KIF6: variants seen among roughly 807,000 people sequenced by gnomAD.
KIF6 encodes the protein kinesin-like protein KIF6.
Under a neutral mutation model 112.7 loss-of-function variants are expected in KIF6, and 106 were observed. That is an observed-to-expected ratio of 0.94 (90% confidence interval 0.80 to 1.11). KIF6 has a LOEUF of 1.11. Among genes scored for constraint, KIF6 ranks in the 50% least tolerant of loss-of-function variants. KIF6 has a pLI of 0.00. For synonymous variants in KIF6, 339 were observed against 339.9 expected (o/e 1.00, Z 0.03); for missense variants, 929 against 964.0 (o/e 0.96, Z 0.48).
chr6:39,416,367 G>A (rs1769918749), intron 15 of KIF6, among the ~76,000 whole-genome samples: 1 of 152,218 alleles, frequency 6.6e-6, no homozygotes, highest in Non-Finnish European at 1.5e-5. Flanking sequence ...GAAGCAGGGT[G>A]TAAATGAACA....
In KIF6 at chr6:39,714,772, A is replaced by G. The variant is rs1242090859; in HGVS notation, c.177-6T>C. On this transcript the variant is annotated splice_region_variant and splice_polypyrimidine_tract_variant and intron_variant, in intron 2 of 22. Coordinates refer to ENST00000287152, the MANE Select transcript of KIF6 (RefSeq NM_145027.6). The stretch of plus-strand genomic sequence containing the variant: ...GATCAAAAATTCTTTGAAATCTGCA[A>G]TGTGAAAAATAGTAATTATTTAAAA... The G allele has an allele frequency of 3.8e-6, 6 of 1,586,572 alleles. No homozygotes were observed. Among genetic ancestry groups the G allele is most frequent in the Non-Finnish European group, 5.2e-6 (6 of 1,155,822 alleles).
chr6:39,479,342 A>G (rs1350039530), intron 13 of KIF6, among the ~76,000 whole-genome samples: 2 of 152,222 alleles, frequency 1.3e-5, no homozygotes, highest in South Asian at 2.1e-4. Context: ...TTCCAGCACC[A>G]TTTGTTGAAT....
chr6:39,594,501 G>C (rs547776555), intron 7 of KIF6, among the ~76,000 whole-genome samples: 1 of 152,210 alleles, frequency 6.6e-6, no homozygotes, highest in African/African-American at 2.4e-5. Context: ...TAGGAATGCT[G>C]ACTCTTGTTA....
chr6:39,545,590 T>A lies in KIF6; in HGVS notation c.1280A>T (p.His427Leu). Reference sequence around the variant, plus strand: ...GGAAACATTTAAGTTTACCTTTAAATGATGAAAACAGTGATGAACTTTACG... The same window carrying A: ...GGAAACATTTAAGTTTACCTTTAAAAGATGAAAACAGTGATGAACTTTACG... ...DMRKVHHCFHHLKKLLNDKKI... is the reference protein window; with the variant it reads ...DMRKVHHCFHLLKKLLNDKKI... Residue 427 changes from histidine (H) to leucine (L), a missense_variant, in exon 11 of 23, where the codon CAT becomes CTT. Around this residue, in one of 2 missense-constraint regions of KIF6, gnomAD observed 688 missense variants for 662.7 expected, o/e 1.04. Transcript: ENST00000287152. 1 of 1,608,262 alleles carries A rather than the reference T, an allele frequency of 6.2e-7. No individual in the cohort carries two copies.
intron 9 of KIF6, chr6:39,583,378 C>G (rs1368469125): frequency 2.1e-6 from 1 of 471,192 alleles, no homozygotes; most frequent in Non-Finnish European, 4.4e-6. Context: ...AGCAGGAACA[C>G]TGTGTGATGC....
At chr6:39,549,398 C>T (rs959737081) in intron 10 of KIF6, among the ~76,000 whole-genome samples, 3 of 152,148 alleles carry the variant, frequency 2.0e-5, no homozygotes, top group African/African-American at 7.2e-5. Context: ...TTAATTTTTA[C>T]AACAACCCAT....
At chr6:39,504,773 C>G (rs1776340735) in intron 13 of KIF6, among the ~76,000 whole-genome samples, 2 of 152,076 alleles carry the variant, frequency 1.3e-5, no homozygotes, top group African/African-American at 2.4e-5. Flanking sequence ...AATAAAATAC[C>G]TAGAAATACA....
At chr6:39,658,150 G>T (rs887814334) in intron 3 of KIF6, among the ~76,000 whole-genome samples, 27 of 152,250 alleles carry the variant, frequency 1.8e-4, no homozygotes, top group East Asian at 1.9e-4. Flanking sequence ...GACACAAAAA[G>T]GTTAAGCATT....
At chr6:39,536,012 C>A (rs1187169592) in intron 13 of KIF6, among the ~76,000 whole-genome samples, 2 of 151,622 alleles carry the variant, frequency 1.3e-5, no homozygotes, top group Non-Finnish European at 3.0e-5. Context: ...TCTTTGAAAC[C>A]AACAGGAACA....
At chr6:39,559,810 G>A (rs1401707090) in intron 10 of KIF6, among the ~76,000 whole-genome samples, 1 of 151,248 alleles carries the variant, frequency 6.6e-6, no homozygotes, top group African/African-American at 2.4e-5. Context: ...AACCTTTGAG[G>A]TTGTGTTAAG....
At chr6:39,431,423 TC>T (rs1354405297) in intron 13 of KIF6, 9 of 346,766 alleles carry the variant, frequency 2.6e-5, no homozygotes, top group Non-Finnish European at 2.1e-5. Context: ...GAATGCCTGC[TC>T]GGGGGAAATG....
chr6:39,490,071 GA>G (rs1775380486), intron 13 of KIF6, among the ~76,000 whole-genome samples: 1 of 152,160 alleles, frequency 6.6e-6, no homozygotes, highest in South Asian at 2.1e-4. Context: ...AATAAAGTAC[GA>G]GAAGTGAAAA....
chr6:39,385,480 A>T, intron 16 of KIF6, 142 bp downstream of exon 16: 2 of 675,696 alleles, frequency 3.0e-6, no homozygotes, highest in Non-Finnish European at 5.3e-6. Context: ...ATCCAAGGAA[A>T]GCTGTGTGGA....
intron 3 of KIF6, among the ~76,000 whole-genome samples, chr6:39,662,907 C>T (rs1297332472): frequency 6.6e-6 from 1 of 151,388 alleles, no homozygotes; most frequent in African/African-American, 2.4e-5. Flanking sequence ...TCTTTTCTCT[C>T]TCTCTTTTTT....
intron 3 of KIF6, among the ~76,000 whole-genome samples, chr6:39,659,728 G>C (rs1442787636): frequency 3.9e-5 from 6 of 152,146 alleles, no homozygotes; most frequent in Non-Finnish European, 8.8e-5. Flanking sequence ...TGCCATGATT[G>C]TAAGTTTTCT....
intron 9 of KIF6, among the ~76,000 whole-genome samples, chr6:39,584,534 T>C (rs962955358): frequency 6.7e-6 from 1 of 149,276 alleles, no homozygotes; most frequent in African/African-American, 2.4e-5. Context: ...TGTAATCATG[T>C]GTGGTTCTGT....
At chr6:39,596,682 C>T (rs1420179041) in intron 6 of KIF6, among the ~76,000 whole-genome samples, 1 of 152,098 alleles carries the variant, frequency 6.6e-6, no homozygotes, top group Non-Finnish European at 1.5e-5. Flanking sequence ...ACAAAGAAAC[C>T]TACCATCACT....
At position 39,342,611 on chromosome 6, in the gene KIF6, A is replaced by AT. The variant is rs1167242138; in HGVS notation, c.2428+1097dup. ...TGAATCCAGTTTTTTATTTTTTTTT[A>AT]TTTTTTTTTATTTTTTTTTATTTTT... On this transcript the variant is annotated intron_variant, in intron 22 of 22. Coordinates refer to ENST00000287152, the MANE Select transcript of KIF6 (RefSeq NM_145027.6). This position sits in a 1 kb window ranked among gnomAD's most constrained non-coding sequence, Gnocchi z 4.7. Among the ~76,000 whole-genome samples, 40 of 84,588 alleles carry AT rather than the reference A, an allele frequency of 4.7e-4. No individual in the cohort carries two copies. Among genetic ancestry groups the AT allele is most frequent in the Non-Finnish European group, 6.8e-4 (31 of 45,794 alleles). 55.5% of individuals were successfully genotyped at this position (84,588 alleles called of 152,430 possible).
At chr6:39,647,706 A>ATTTTT (rs1185142569) in intron 3 of KIF6, among the ~76,000 whole-genome samples, 1 of 136,650 alleles carries the variant, frequency 7.3e-6, no homozygotes, top group African/African-American at 2.7e-5. Context: ...GAAGGCCCTG[A>ATTTTT]TTTTTTTTTT....
Sources: allele counts gnomAD v4.1 joint callset (sites outside exome capture counted in the v4.1 genomes callset), GRCh38; gene constraint gnomAD v4.1.1; regional missense constraint gnomAD v4.1.1; non-coding constraint Gnocchi (gnomAD v3.1); transcripts MANE v1.5; gene names NCBI Gene and HGNC (gene_info 2026-07-23, HGNC 2026-07-21).